The following LTBP1 variants were observed in gnomAD, a reference collection of about 807,000 sequenced individuals.
LTBP1 encodes the protein latent-transforming growth factor beta-binding protein 1.
LTBP1 carries 129 observed loss-of-function variants against 207.6 expected under a neutral mutation model. The observed-to-expected ratio is 0.62, with a 90% CI of 0.54 to 0.72. The LOEUF is 0.72. Among genes scored for constraint, LTBP1 ranks in the 30% least tolerant of loss-of-function variants. The pLI, the probability that LTBP1 is intolerant of heterozygous loss-of-function variation, is 0.00. For missense variants in LTBP1, 2,281 were observed against 2,217.2 expected (o/e 1.03, Z -0.58); for synonymous variants, 963 against 833.7 (o/e 1.16, Z -2.67).
At chr2:33,018,178 G>A (rs1195412203) in intron 2 of LTBP1, among the ~76,000 whole-genome samples, 1 of 146,972 alleles carries the variant, frequency 6.8e-6, no homozygotes, top group Non-Finnish European at 1.5e-5. Context: ...TTTTATGACT[G>A]TCTCCCCACC....
chr2:32,964,130 G>A (rs1276929287), intron 2 of LTBP1, among the ~76,000 whole-genome samples: 2 of 152,200 alleles, frequency 1.3e-5, no homozygotes, highest in Admixed American at 1.3e-4. Context: ...GTGCTGCCCA[G>A]TTGTTCCTTG....
At chr2:33,276,937 A>T (rs908388491) in intron 18 of LTBP1, among the ~76,000 whole-genome samples, 70 of 152,332 alleles carry the variant, frequency 4.6e-4, no homozygotes, top group African/African-American at 1.2e-3. Context: ...TTCTGCTAAA[A>T]ACCTGTCATG....
intron 3 of LTBP1, among the ~76,000 whole-genome samples, chr2:33,089,049 G>A (rs1042737000): frequency 3.3e-5 from 5 of 150,662 alleles, no homozygotes; most frequent in East Asian, 3.9e-4. Flanking sequence ...CCAGCTACTC[G>A]GGAGGCTGAG....
intron 2 of LTBP1, among the ~76,000 whole-genome samples, chr2:32,977,006 C>G: frequency 6.6e-6 from 1 of 152,200 alleles, no homozygotes; most frequent in African/African-American, 2.4e-5. Context: ...CATGCCTGGC[C>G]CCTCTGCCTA....
intron 24 of LTBP1, among the ~76,000 whole-genome samples, chr2:33,332,140 T>G (rs1178969294): frequency 1.3e-5 from 2 of 151,710 alleles, no homozygotes; most frequent in South Asian, 4.1e-4. Context: ...TTTATTCCTG[T>G]TAGGGTGGAA....
At chr2:33,164,552 T>G (rs2084761138) in intron 5 of LTBP1, among the ~76,000 whole-genome samples, 1 of 151,788 alleles carries the variant, frequency 6.6e-6, no homozygotes, top group Non-Finnish European at 1.5e-5. Context: ...TTTGACTTTA[T>G]GCAAGATCTA....
intron 2 of LTBP1, among the ~76,000 whole-genome samples, chr2:32,959,621 A>ATATTTT (rs1475834284): frequency 1.6e-4 from 6 of 36,668 alleles, no homozygotes; most frequent in Admixed American, 5.3e-4. Flanking sequence ...ATATATATAT[A>ATATTTT]TTTTTTTTTT....
At chr2:32,954,927 A>G (rs1043494131) in intron 2 of LTBP1, among the ~76,000 whole-genome samples, 54 of 152,258 alleles carry the variant, frequency 3.5e-4, no homozygotes, top group African/African-American at 1.2e-3. Context: ...GCCACAGGTA[A>G]TTTTGGTGAT....
chr2:33,323,370 C>T (rs2094383365), intron 24 of LTBP1, among the ~76,000 whole-genome samples: 1 of 152,196 alleles, frequency 6.6e-6, no homozygotes, highest in South Asian at 2.1e-4. Context: ...GGCGCGGTAG[C>T]TCACACCTGT....
chr2:33,371,406 A>G (rs1222178099), intron 31 of LTBP1, among the ~76,000 whole-genome samples: 1 of 152,114 alleles, frequency 6.6e-6, no homozygotes, highest in African/African-American at 2.4e-5. Context: ...GGATCCTCAA[A>G]TTTGTGGTCT....
At chr2:33,265,610 A>G (rs1385495785) in intron 15 of LTBP1, among the ~76,000 whole-genome samples, 2 of 152,332 alleles carry the variant, frequency 1.3e-5, no homozygotes, top group African/African-American at 2.4e-5. Flanking sequence ...AAACTGAATG[A>G]TATAGAGTAT....
chr2:32,996,137 C>G (rs1572994564), intron 2 of LTBP1, among the ~76,000 whole-genome samples: 2 of 152,180 alleles, frequency 1.3e-5, no homozygotes. Flanking sequence ...ATTCAGGATG[C>G]TATAACAAAA....
chr2:33,126,535 G>A (rs1478425862), intron 4 of LTBP1, among the ~76,000 whole-genome samples: 1 of 152,224 alleles, frequency 6.6e-6, no homozygotes, highest in Non-Finnish European at 1.5e-5. Context: ...AAGGAAATGA[G>A]GAAGCTGAAA....
intron 4 of LTBP1, among the ~76,000 whole-genome samples, chr2:33,127,957 G>A (rs1324830251): frequency 1.3e-5 from 2 of 152,182 alleles, no homozygotes; most frequent in Admixed American, 1.3e-4. Flanking sequence ...TTGGACCTAG[G>A]TAGGAAAGGG....
chr2:32,972,747 C>T (rs373415656), intron 2 of LTBP1, among the ~76,000 whole-genome samples: 197 of 152,214 alleles, frequency 1.3e-3, no homozygotes, highest in African/African-American at 4.6e-3. Context: ...TTAAAAGTGG[C>T]AGTTTCCCCT....
chr2:33,332,954 G>C (rs1040762590), intron 24 of LTBP1: 6 of 152,154 alleles, frequency 3.9e-5, no homozygotes, highest in Non-Finnish European at 8.8e-5. Flanking sequence ...AGCTGAGCAG[G>C]GTCGGGCCTC....
intron 9 of LTBP1, among the ~76,000 whole-genome samples, chr2:33,229,148 T>C (rs2091641025): frequency 6.6e-6 from 1 of 152,152 alleles, no homozygotes; most frequent in Non-Finnish European, 1.5e-5. Flanking sequence ...AAGCAATTAA[T>C]ATTAATTTTG....
At chr2:32,956,722 A>G (rs1051322000) in intron 2 of LTBP1, among the ~76,000 whole-genome samples, 5 of 152,216 alleles carry the variant, frequency 3.3e-5, no homozygotes, top group African/African-American at 1.2e-4. Flanking sequence ...AATCCTTTCC[A>G]GAAGGTTTTC....
At chr2:33,328,650 G>T (rs2094458868) in intron 24 of LTBP1, among the ~76,000 whole-genome samples, 1 of 152,168 alleles carries the variant, frequency 6.6e-6, no homozygotes, top group Admixed American at 6.5e-5. Flanking sequence ...CCGCTCCCAT[G>T]ATCCACTTGC....
Sources: gnomAD v4.1 joint callset for allele counts (sites outside exome capture counted in the v4.1 genomes callset) on GRCh38, gnomAD v4.1.1 for gene constraint, MANE v1.5 for transcripts, NCBI Gene and HGNC (gene_info 2026-07-23, HGNC 2026-07-21) for gene names.